Variants in RBMS1 observed in about 807,000 individuals in gnomAD.
RBMS1 encodes the protein RNA binding motif single stranded interacting protein 1.
Under a neutral mutation model 62.3 loss-of-function variants are expected in RBMS1, and 17 were observed. That is an observed-to-expected ratio of 0.27 (90% CI 0.19 to 0.41). RBMS1 has a LOEUF of 0.41. RBMS1 is among the 10% of genes least tolerant of loss of function. RBMS1 has a pLI of 1.00. For synonymous variants in RBMS1, 172 were observed against 170.0 expected (o/e 1.01, Z -0.09); for missense variants, 334 against 504.5 (o/e 0.66, Z 3.24).
intron 1 of RBMS1, among the ~76,000 whole-genome samples, chr2:160,417,366 T>C (rs895166140): frequency 6.6e-6 from 1 of 152,236 alleles, no homozygotes; most frequent in Non-Finnish European, 1.5e-5. Context: ...AAGTGTTGCA[T>C]TTTGCAACTG....
chr2:160,476,935 C>T (rs891334893), intron 1 of RBMS1, among the ~76,000 whole-genome samples: 2 of 152,124 alleles, frequency 1.3e-5, no homozygotes, highest in Non-Finnish European at 2.9e-5. Flanking sequence ...TTATAAAGTA[C>T]GATATAAAAC....
At chr2:160,426,263 AAGAAAGAAAGAAAGAAAGAAAG>A (rs1682580747) in intron 1 of RBMS1, among the ~76,000 whole-genome samples, 1 of 125,896 alleles carries the variant, frequency 7.9e-6, no homozygotes, top group South Asian at 2.7e-4. Context: ...GAAAGAAAGA[AAGAAAGAAAGAAAGAAAGAAAG>A]AAAGAAAAGA....
chr2:160,426,287 A>AAGAAAGAAAGAG (rs1682600037), intron 1 of RBMS1, among the ~76,000 whole-genome samples: 2 of 113,190 alleles, frequency 1.8e-5, no homozygotes, highest in South Asian at 6.1e-4. Context: ...GAAAGAAAGA[A>AAGAAAGAAAGAG]AGAAAAGAAA....
chr2:160,369,735 G>A (rs994681407), intron 1 of RBMS1, among the ~76,000 whole-genome samples: 3 of 152,162 alleles, frequency 2.0e-5, no homozygotes, highest in East Asian at 1.9e-4. Context: ...ACATCAACAC[G>A]AAGTAAATGA....
intron 2 of RBMS1, among the ~76,000 whole-genome samples, chr2:160,348,622 G>C (rs1692315199): frequency 6.6e-6 from 1 of 152,116 alleles, no homozygotes; most frequent in Non-Finnish European, 1.5e-5. Context: ...AACCTGCACT[G>C]ATCAAATACA....
At chr2:160,453,743 C>CCTA (rs1220914303) in intron 1 of RBMS1, among the ~76,000 whole-genome samples, 1 of 152,164 alleles carries the variant, frequency 6.6e-6, no homozygotes, top group Non-Finnish European at 1.5e-5. Flanking sequence ...TGACCCAGAA[C>CCTA]CTACATCCAG....
chr2:160,375,119 A>G (rs1307198558), intron 1 of RBMS1, among the ~76,000 whole-genome samples: 3 of 152,150 alleles, frequency 2.0e-5, no homozygotes, highest in Non-Finnish European at 4.4e-5. Flanking sequence ...AAAATTCTGG[A>G]TAGTGCTGGA....
At chr2:160,329,283 A>C (rs576887064) in intron 2 of RBMS1, among the ~76,000 whole-genome samples, 3 of 152,290 alleles carry the variant, frequency 2.0e-5, no homozygotes, top group African/African-American at 7.2e-5. Flanking sequence ...AGTAAAAGAC[A>C]CACTTGGACT....
At chr2:160,378,391 T>G (rs1694108268) in intron 1 of RBMS1, among the ~76,000 whole-genome samples, 1 of 152,018 alleles carries the variant, frequency 6.6e-6, no homozygotes, top group South Asian at 2.1e-4. Flanking sequence ...AGGCAGGTGA[T>G]CACTTGAGCC....
At chr2:160,352,305 A>G (rs984890162) in intron 2 of RBMS1, among the ~76,000 whole-genome samples, 1 of 152,116 alleles carries the variant, frequency 6.6e-6, no homozygotes, top group Admixed American at 6.6e-5. Flanking sequence ...AAGGGCAAAT[A>G]GCTATGTGGT....
At chr2:160,395,385 G>A (rs1695081505) in intron 1 of RBMS1, among the ~76,000 whole-genome samples, 1 of 152,212 alleles carries the variant, frequency 6.6e-6, no homozygotes, top group African/African-American at 2.4e-5. Flanking sequence ...AGCACTTTGG[G>A]AGGCCGAGGC....
chr2:160,486,080 C>T (rs1685589883), intron 1 of RBMS1, among the ~76,000 whole-genome samples: 1 of 152,066 alleles, frequency 6.6e-6, no homozygotes, highest in African/African-American at 2.4e-5. Flanking sequence ...ATTATATAAA[C>T]TGTGAAAGTA....
intron 2 of RBMS1, among the ~76,000 whole-genome samples, chr2:160,350,738 T>C (rs1692445495): frequency 6.6e-6 from 1 of 152,202 alleles, no homozygotes; most frequent in Non-Finnish European, 1.5e-5. Flanking sequence ...CACATTTTCT[T>C]AATCCAGTCT....
At chr2:160,331,994 T>C (rs185072712) in intron 2 of RBMS1, among the ~76,000 whole-genome samples, 5 of 152,340 alleles carry the variant, frequency 3.3e-5, no homozygotes, top group Non-Finnish European at 5.9e-5. Context: ...TATGTACTTC[T>C]AATTTTTTTG....
chr2:160,474,659 G>A (rs1224175811), intron 1 of RBMS1, among the ~76,000 whole-genome samples: 1 of 152,140 alleles, frequency 6.6e-6, no homozygotes, highest in Non-Finnish European at 1.5e-5. Context: ...AAAACTTCTT[G>A]AGTACGTATG....
At chr2:160,364,709 C>A (rs1693306378) in intron 2 of RBMS1, among the ~76,000 whole-genome samples, 1 of 152,190 alleles carries the variant, frequency 6.6e-6, no homozygotes, top group African/African-American at 2.4e-5. Flanking sequence ...TTTTTAAAAT[C>A]TTCATGTCAT....
chr2:160,335,130 C>G (rs1446127399), intron 2 of RBMS1, among the ~76,000 whole-genome samples: 2 of 151,976 alleles, frequency 1.3e-5, no homozygotes, highest in African/African-American at 2.4e-5. Flanking sequence ...GAAATGATTC[C>G]TGGAGAAATG....
At position 160,493,572 on chromosome 2, in the gene RBMS1, TTCCTCCTCC is replaced by T. The variant is rs1056033412; in HGVS notation, c.-218_-210del. ...CCTCCTCCTCCTCCTCCTCCTCCTC[TTCCTCCTCC>T]TCCTCCTCCTCCCAGGCAGAAAGAA... On this transcript the variant is annotated 5_prime_UTR_variant, in exon 1 of 14. Transcript: ENST00000348849. 5 of 422,532 alleles carry T rather than the reference TTCCTCCTCC, an allele frequency of 1.2e-5. No individual in the cohort carries two copies. The highest frequency in any genetic ancestry group is 2.1e-5 in the Non-Finnish European group (5 of 238,746). 26.2% of individuals were successfully genotyped at this position (422,532 alleles called of 1,614,324 possible). A position where few individuals can be genotyped will look rare whatever the true frequency, so the allele number is the denominator to read the frequency against.
At chr2:160,363,511 C>T (rs1214714521) in intron 2 of RBMS1, among the ~76,000 whole-genome samples, 1 of 151,944 alleles carries the variant, frequency 6.6e-6, no homozygotes, top group African/African-American at 2.4e-5. Context: ...AAATGGTTCT[C>T]CTGTCACACT....
Sources: allele counts gnomAD v4.1 joint callset (sites outside exome capture counted in the v4.1 genomes callset), GRCh38; gene constraint gnomAD v4.1.1; transcripts MANE v1.5; gene names NCBI Gene and HGNC (gene_info 2026-07-23, HGNC 2026-07-21).